The following SIGLEC12 variants were observed in gnomAD, a reference collection of about 807,000 sequenced individuals.
The protein encoded by SIGLEC12 is sialic acid-binding Ig-like lectin 12.
SIGLEC12 carries 43 observed loss-of-function variants against 54.1 expected under a neutral mutation model. The observed-to-expected ratio is 0.80, with a 90% CI of 0.62 to 1.03. The LOEUF (loss-of-function observed/expected upper bound fraction) is 1.03, where lower values mean the gene tolerates loss of function less well. Ranked by LOEUF, SIGLEC12 falls within the 50% of genes least tolerant of loss-of-function variation. The pLI is 0.00. For missense variants in SIGLEC12, 802 were observed against 735.2 expected (o/e 1.09, Z -1.05); for synonymous variants, 357 against 307.6 (o/e 1.16, Z -1.68).
chr19:51,497,415 A>G lies in SIGLEC12; in HGVS notation c.1436T>C (p.Leu479Pro). The G allele has an allele frequency of 6.2e-7, 1 of 1,613,082 alleles. No homozygotes were observed. The highest frequency in any genetic ancestry group is 2.2e-5 in the East Asian group (1 of 44,822). The change falls in exon 6 of 8, where the codon CTA becomes CCA. Residue 479 changes from leucine to proline, a missense_variant. Transcript: ENST00000291707. ...GKMRPISGVT[L>P]GAFGGAGATA... The stretch of plus-strand genomic sequence containing the variant: ...GGCTCCAGCTCCCCCGAATGCCCCT[A>G]GCGTCACTCCTGATATAGGCCTCAT...
At position 51,496,964 on chromosome 19, in the gene SIGLEC12, G is replaced by A; in HGVS notation, c.1515C>T (p.Cys505=). The A allele has an allele frequency of 6.2e-7, 1 of 1,613,300 alleles. No homozygotes were observed. Among genetic ancestry groups the A allele is most frequent in the Non-Finnish European group, 8.5e-7 (1 of 1,179,996 alleles). ...CTGCTGGCCTTGCCGATTTCTTCCT[G>A]CAGGACCTCACTCTGAGTGAAGAGA... ...FCIIFVVVRS[C]RKKSARPAVG... The change falls in exon 7 of 8, where the codon TGC becomes TGT. Residue 505 remains cysteine, a synonymous_variant. Transcript: ENST00000291707.
At chr19:51,497,468 T>C in intron 5 of SIGLEC12, 23 bp from the exon 6 acceptor site, 1 of 1,587,020 alleles carries the variant, frequency 6.3e-7, no homozygotes, top group Non-Finnish European at 8.6e-7. Context: ...TGGAGTTGTT[T>C]TGGGGTTTAC....
chr19:51,495,398 T>TGGAC (rs1412892242), intron 7 of SIGLEC12, among the ~76,000 whole-genome samples: 106 of 44,826 alleles, frequency 2.4e-3, no homozygotes, highest in South Asian at 4.0e-3. Context: ...GATGGATGGA[T>TGGAC]GGGTGGGTGG....
In SIGLEC12 at chr19:51,497,979, A is replaced by G. The variant is rs1161574590; in HGVS notation, c.1405+39T>C. The G allele has an allele frequency of 3.1e-6, 5 of 1,609,552 alleles. No homozygotes were observed. In the South Asian group the frequency reaches 4.4e-5, roughly 14 times the overall value. On this transcript the variant is annotated intron_variant, in intron 5 of 7. Coordinates refer to ENST00000291707, the MANE Select transcript of SIGLEC12 (RefSeq NM_053003.4). Reference sequence around the variant, plus strand: ...CTCCCAGCTGGACCCTGAGGGTGGGACATGTGTGTTCTCCTCCTCCAGACC... The same window carrying G: ...CTCCCAGCTGGACCCTGAGGGTGGGGCATGTGTGTTCTCCTCCTCCAGACC...
chr19:51,493,956 C>T (rs987865497), intron 7 of SIGLEC12, among the ~76,000 whole-genome samples: 5 of 152,250 alleles, frequency 3.3e-5, no homozygotes, highest in Non-Finnish European at 4.4e-5. Flanking sequence ...ACACGATTCA[C>T]ACACAGGCTC....
At chr19:51,495,987 A>G (rs1990231924) in intron 7 of SIGLEC12, among the ~76,000 whole-genome samples, 1 of 152,226 alleles carries the variant, frequency 6.6e-6, no homozygotes, top group Non-Finnish European at 1.5e-5. Flanking sequence ...CTTGTTGGTG[A>G]TGACACTGGA....
chr19:51,493,817 C>A (rs1224856271), intron 7 of SIGLEC12, among the ~76,000 whole-genome samples: 1 of 152,220 alleles, frequency 6.6e-6, no homozygotes, highest in East Asian at 1.9e-4. Context: ...ATCTTCTCTG[C>A]TCTGTCTTTC....
intron 5 of SIGLEC12, 139 bp from the exon 6 acceptor site, chr19:51,497,584 C>T: frequency 3.3e-6 from 2 of 605,812 alleles, no homozygotes; most frequent in Non-Finnish European, 5.8e-6. Context: ...AAGGGAACTT[C>T]TCCTGAGGTC....
chr19:51,491,843 G>T lies in SIGLEC12; in HGVS notation c.1600-14C>A. 1 of 1,541,668 alleles carries T rather than the reference G, an allele frequency of 6.5e-7. No homozygotes were observed. The highest frequency in any genetic ancestry group is 8.7e-7 in the Non-Finnish European group (1 of 1,148,638). On this transcript the variant is annotated splice_polypyrimidine_tract_variant and intron_variant, in intron 7 of 7. Transcript: ENST00000291707. ...AATCAGGGGTCCCTGAATGGAGGAA[G>T]AGAAGGGAGTCAGTGCAGAGCAGTG...
In SIGLEC12 at chr19:51,495,381, A is replaced by G. The variant is rs1477081327; in HGVS notation, c.1599+1499T>C. 7.1e-3 allele frequency among the ~76,000 whole-genome samples: 585 copies of G among 82,702 alleles called. 99 individuals are homozygous for G. The highest frequency in any genetic ancestry group is 9.3e-3 in the Middle Eastern group (1 of 108). The allele number at this position is 82,702 out of a possible 152,430, so 54.3% of individuals were successfully genotyped here. On this transcript the variant is annotated intron_variant, in intron 7 of 7. Transcript: ENST00000291707. ...GACGGGTGGGTGGATGGATGGATGG[A>G]TGGATGGATGGATGGATGGGTGGGT...
intron 7 of SIGLEC12, among the ~76,000 whole-genome samples, chr19:51,496,353 A>C (rs1485484897): frequency 6.6e-6 from 1 of 152,086 alleles, no homozygotes; most frequent in Non-Finnish European, 1.5e-5. Flanking sequence ...ATGTAATCCC[A>C]GCTACTCGAG....
chr19:51,497,893 C>T lies in SIGLEC12; in HGVS notation c.1405+125G>A, dbSNP rs1052520595. 72 of 1,368,980 alleles carry T rather than the reference C, an allele frequency of 5.3e-5. No individual in the cohort carries two copies. The African/African-American group carries it at 5.5e-4, about 10-fold the overall frequency. 84.8% of individuals were successfully genotyped at this position (1,368,980 alleles called of 1,614,324 possible). A position where few individuals can be genotyped will look rare whatever the true frequency, so the allele number is the denominator to read the frequency against. On this transcript the variant is annotated intron_variant, in intron 5 of 7. Transcript: ENST00000291707. ...ATTAACTCCTCCCCTCTCCCCACCC[C>T]GCACTCACTGCTTGGCAGCAAGAGG...
intron 6 of SIGLEC12, 110 bp downstream of exon 6, chr19:51,497,239 C>T: frequency 9.7e-7 from 1 of 1,034,176 alleles, no homozygotes; most frequent in East Asian, 2.4e-5. Context: ...CTCATTCTGG[C>T]CCTTGCTTCA....
At chr19:51,497,541 G>A (rs753032543) in intron 5 of SIGLEC12, 96 bp from the exon 6 acceptor site, 4 of 836,584 alleles carry the variant, frequency 4.8e-6, no homozygotes, top group Non-Finnish European at 7.7e-6. Flanking sequence ...GGGTACCCCA[G>A]TCCCGCTTCC....
At chr19:51,498,407 T>C in intron 4 of SIGLEC12, 120 bp from the exon 5 acceptor site, 9 of 826,480 alleles carry the variant, frequency 1.1e-5, no homozygotes, top group Non-Finnish European at 1.7e-5. Context: ...TAGGGACATA[T>C]GCACGTTCAC....
intron 5 of SIGLEC12, 126 bp downstream of exon 5, chr19:51,497,892 C>T: frequency 7.3e-7 from 1 of 1,363,408 alleles, no homozygotes; most frequent in Non-Finnish European, 1.0e-6. Context: ...TCTCCCCACC[C>T]CGCACTCACT....
At chr19:51,500,938 T>G (rs1990376507) in intron 1 of SIGLEC12, among the ~76,000 whole-genome samples, 1 of 152,060 alleles carries the variant, frequency 6.6e-6, no homozygotes. Context: ...GTGGAGATAA[T>G]TGTCTCGCTG....
chr19:51,491,418 G>A lies in SIGLEC12; in HGVS notation c.*223C>T. On this transcript the variant is annotated 3_prime_UTR_variant, in exon 8 of 8. Transcript: ENST00000291707. Reference sequence around the variant, plus strand: ...TAGTCGACCTCAGAGAAGTAGAGAAGAGAATGGTGGGTACCAGAGGCCGGG... The same window carrying A: ...TAGTCGACCTCAGAGAAGTAGAGAAAAGAATGGTGGGTACCAGAGGCCGGG... 1.9e-6 allele frequency: 1 copy of A among 540,334 alleles called. No individual in the cohort carries two copies. Among genetic ancestry groups the A allele is most frequent in the South Asian group, 2.2e-5 (1 of 45,916 alleles). 33.5% of individuals were successfully genotyped at this position (540,334 alleles called of 1,614,324 possible). A position where few individuals can be genotyped will look rare whatever the true frequency, so the allele number is the denominator to read the frequency against.
rs755424394 is a variant in SIGLEC12, at chr19:51,491,810, G to A, written c.1619C>T (p.Pro540Leu). ...SASQGPLIES[P>L]ADDSPPHHAP... ...ATGGTGTGGGGGGCTGTCATCTGCC[G>A]GGGATTCAATCAGGGGTCCCTGAAT... Residue 540 changes from proline to leucine, a missense_variant, in exon 8 of 8, where the codon CCG becomes CTG. Physicochemically the swap from Pro to Leu is moderately conservative, Grantham distance 98 (BLOSUM62 -3). Transcript: ENST00000291707. The A allele has an allele frequency of 1.6e-5, 25 of 1,576,686 alleles. No homozygotes were observed. The highest frequency in any genetic ancestry group is 8.1e-5 in the African/African-American group (6 of 73,916).
Sources: gnomAD v4.1 joint callset for allele counts (sites outside exome capture counted in the v4.1 genomes callset) on GRCh38, gnomAD v4.1.1 for gene constraint, MANE v1.5 for transcripts, NCBI Gene and HGNC (gene_info 2026-07-23, HGNC 2026-07-21) for gene names.